PDE11A: variants seen among roughly 807,000 people sequenced by gnomAD.
PDE11A encodes phosphodiesterase 11A, also known as dual 3',5'-cyclic-AMP and -GMP phosphodiesterase 11A.
A neutral mutation model predicts 100.5 loss-of-function variants in PDE11A; 100 were observed. The ratio of observed to expected loss-of-function variants is 1.00; its 90% CI spans 0.85 to 1.18. The LOEUF is 1.18. Ranked by LOEUF, PDE11A falls within the 50% of genes most tolerant of loss-of-function variation. The probability of loss-of-function intolerance (pLI) is 0.00; values close to 1 mark genes in which losing one functional copy is unlikely to be tolerated. For synonymous variants in PDE11A, 381 were observed against 420.8 expected, an observed-to-expected ratio of 0.91 and a Z score of 1.16; for missense variants, 1,141 against 1,152.6, an observed-to-expected ratio of 0.99 and a Z score of 0.15.
chr2:177,876,780 C>T (rs1390136355), intron 4 of PDE11A, among the ~76,000 whole-genome samples: 1 of 148,324 alleles, frequency 6.7e-6, no homozygotes, highest in Non-Finnish European at 1.5e-5. Flanking sequence ...GCTCTTTCAA[C>T]ACTACAAATG....
chr2:177,695,813 A>G (rs1216523092), intron 15 of PDE11A, among the ~76,000 whole-genome samples: 2 of 152,214 alleles, frequency 1.3e-5, no homozygotes, highest in Non-Finnish European at 2.9e-5. Context: ...AGCTTTGAAC[A>G]TCCCTTACAA....
Position 177,631,322 on chromosome 2 carries a change from A to AAAAAAAAAAAAAAAC in PDE11A, c.2647-1761_2647-1760insGTTTTTTTTTTTTTT, listed in dbSNP as rs1469522170. Among the ~76,000 whole-genome samples, 34 of 16,870 alleles carry AAAAAAAAAAAAAAAC rather than the reference A, an allele frequency of 2.0e-3. 2 individuals carry two copies. The highest frequency in any genetic ancestry group is 2.9e-3 in the African/African-American group (31 of 10,834). 11.1% of individuals were successfully genotyped at this position (16,870 alleles called of 152,430 possible). A position where few individuals can be genotyped will look rare whatever the true frequency, so the allele number is the denominator to read the frequency against. On this transcript the variant is annotated intron_variant, in intron 19 of 19. Coordinates refer to ENST00000286063, the MANE Select transcript of PDE11A (RefSeq NM_016953.4). ...AAAAAAAAAAAAAACAAAAAAAAAAACAACCTAGGCGTGGTGGCACATGCC... is the reference window on the plus strand; with the variant it reads ...AAAAAAAAAAAAAACAAAAAAAAAAAAAAAAAAAAAAAAACCAACCTAGGCGTGGTGGCACATGCC...
At chr2:177,831,976 G>A (rs185220119) in intron 6 of PDE11A, among the ~76,000 whole-genome samples, 36 of 152,294 alleles carry the variant, frequency 2.4e-4, no homozygotes, top group Non-Finnish European at 3.8e-4. Flanking sequence ...AGGTATTACA[G>A]TAGGTATCTA....
intron 3 of PDE11A, among the ~76,000 whole-genome samples, chr2:177,900,803 A>G (rs561882107): frequency 3.7e-4 from 57 of 152,288 alleles, no homozygotes; most frequent in African/African-American, 1.3e-3. Context: ...TGAATGAGTT[A>G]AGAAATCCAT....
intron 3 of PDE11A, among the ~76,000 whole-genome samples, chr2:177,901,078 G>A (rs1272689603): frequency 3.9e-5 from 6 of 152,006 alleles, no homozygotes; most frequent in Admixed American, 6.6e-5. Context: ...GAATGCCTTC[G>A]AAGGACTAAC....
intron 2 of PDE11A, chr2:177,997,851 T>G: frequency 7.3e-7 from 1 of 1,374,356 alleles, no homozygotes; most frequent in Admixed American, 1.7e-5. Context: ...ATAGTTTCCC[T>G]AAATTTGTTT....
At chr2:177,826,868 CTAAG>C (rs539870325) in intron 6 of PDE11A, among the ~76,000 whole-genome samples, 28 of 152,232 alleles carry the variant, frequency 1.8e-4, no homozygotes, top group Non-Finnish European at 4.0e-4. Flanking sequence ...CTGGTTCACA[CTAAG>C]TAACAGAAAC....
intron 10 of PDE11A, among the ~76,000 whole-genome samples, chr2:177,744,272 A>G (rs926115580): frequency 6.6e-6 from 1 of 151,850 alleles, no homozygotes; most frequent in Admixed American, 6.6e-5. Flanking sequence ...GTGCCCCTGA[A>G]GTCTGTCTGT....
chr2:177,656,191 T>A (rs1054489587), intron 19 of PDE11A, among the ~76,000 whole-genome samples: 12 of 152,244 alleles, frequency 7.9e-5, no homozygotes, highest in Admixed American at 2.6e-4. Context: ...TTTCAGTCCA[T>A]GATGGACCAT....
At chr2:177,756,418 A>G (rs1244267644) in intron 10 of PDE11A, among the ~76,000 whole-genome samples, 1 of 151,998 alleles carries the variant, frequency 6.6e-6, no homozygotes, top group East Asian at 1.9e-4. Flanking sequence ...AAAGCCTCTC[A>G]CTCTCTTCTC....
At chr2:178,094,469 C>T (rs542051786) in intron 2 of PDE11A, among the ~76,000 whole-genome samples, 3 of 152,232 alleles carry the variant, frequency 2.0e-5, no homozygotes, top group East Asian at 3.9e-4. Context: ...GATGTCAAGG[C>T]TGCAATGAGC....
At chr2:178,069,164 T>C (rs1333196523) in intron 1 of PDE11A, among the ~76,000 whole-genome samples, 3 of 152,168 alleles carry the variant, frequency 2.0e-5, no homozygotes, top group Non-Finnish European at 2.9e-5. Context: ...GTACCAGATA[T>C]TATTTTAGGG....
chr2:177,660,097 T>TTCTTTCTTTCTTTCTCTC (rs1406827529), intron 19 of PDE11A, among the ~76,000 whole-genome samples: 2 of 69,288 alleles, frequency 2.9e-5, no homozygotes, highest in Non-Finnish European at 3.0e-5. Context: ...CTTTCTTTCT[T>TTCTTTCTTTCTTTCTCTC]TCTCTCTCTC....
intron 2 of PDE11A, among the ~76,000 whole-genome samples, chr2:177,967,987 C>T (rs1382418525): frequency 1.3e-5 from 2 of 152,118 alleles, no homozygotes; most frequent in African/African-American, 4.8e-5. Context: ...GAGATTCAGC[C>T]ATTTGCCCAA....
intron 2 of PDE11A, among the ~76,000 whole-genome samples, chr2:177,938,106 T>G (rs2085299838): frequency 6.6e-6 from 1 of 151,960 alleles, no homozygotes; most frequent in South Asian, 2.1e-4. Context: ...AAAGGAAGGA[T>G]GTAGGAGTGA....
chr2:177,737,197 G>A (rs551932709), intron 10 of PDE11A, among the ~76,000 whole-genome samples: 6 of 151,880 alleles, frequency 4.0e-5, no homozygotes, highest in South Asian at 2.1e-4. Flanking sequence ...CCAAGATCAC[G>A]CCATTGCACT....
rs144115596 is a variant in PDE11A at position 178,023,661 on chromosome 2, A to T, written c.913-9201T>A. ...CATAGCCAAAATGCTCAAACTGTTC[A>T]AGTCTAAGAGTGTCCACATGATGTA... On this transcript the variant is annotated intron_variant, in intron 1 of 19. Transcript: ENST00000286063. Among the ~76,000 whole-genome samples the T allele has an allele frequency of 6.2e-3, 947 of 152,302 alleles. 4 individuals carry two copies. The highest frequency in any genetic ancestry group is 0.021 in the African/African-American group (872 of 41,560).
At chr2:177,688,829 C>T (rs140745436) in intron 15 of PDE11A, among the ~76,000 whole-genome samples, 165 of 152,358 alleles carry the variant, frequency 1.1e-3, no homozygotes, top group African/African-American at 3.7e-3. Context: ...TCACCCATCA[C>T]CACATTGAAA....
chr2:177,751,362 A>G (rs545279666), intron 10 of PDE11A, among the ~76,000 whole-genome samples: 1 of 152,198 alleles, frequency 6.6e-6, no homozygotes, highest in Non-Finnish European at 1.5e-5. Context: ...ACCTGCCACT[A>G]TACCAACTTT....
Sources: allele counts gnomAD v4.1 joint callset (sites outside exome capture counted in the v4.1 genomes callset), GRCh38; gene constraint gnomAD v4.1.1; transcripts MANE v1.5; gene names NCBI Gene and HGNC (gene_info 2026-07-23, HGNC 2026-07-21).